Variants in KCNT1 observed in about 807,000 individuals in gnomAD.
The protein encoded by KCNT1 is potassium sodium-activated channel subfamily T member 1.
In KCNT1, 78 loss-of-function variants were observed where a neutral mutation model predicts 147.8. The ratio of observed to expected loss-of-function variants is 0.53; its 90% confidence interval spans 0.44 to 0.64. KCNT1 has a LOEUF of 0.64. Ranked by LOEUF, KCNT1 falls within the 30% of genes least tolerant of loss-of-function variation. KCNT1 has a pLI of 0.00. For missense variants in KCNT1, 1,419 were observed against 1,750.3 expected (o/e 0.81, Z 3.38); for synonymous variants, 867 against 748.8 (o/e 1.16, Z -2.58).
At chr9:135,721,112 G>A (rs1588264024) in intron 2 of KCNT1, among the ~76,000 whole-genome samples, 1 of 152,178 alleles carries the variant, frequency 6.6e-6, no homozygotes, top group Admixed American at 6.5e-5. Context: ...GCTGAGTTTG[G>A]GAAGGGTGGC....
chr9:135,773,043 G>A, intron 19 of KCNT1, 94 bp downstream of exon 19: 2 of 848,354 alleles, frequency 2.4e-6, no homozygotes, highest in Non-Finnish European at 3.4e-6. Context: ...GGTCCCCCAT[G>A]CTCTGAATTG....
rs182428519 is a variant in KCNT1 at position 135,734,244 on chromosome 9, C to T, written c.255-15854C>T. On this transcript the variant is annotated intron_variant, in intron 2 of 30. Coordinates refer to ENST00000371757, the MANE Select transcript of KCNT1 (RefSeq NM_020822.3). ...TGGGAGCAGAAAGTGCTGGGGACAC[C>T]TCAAGGCTCACGTGGCTCTGTGGAC... Among the ~76,000 whole-genome samples the T allele has an allele frequency of 6.3e-4, 96 of 152,302 alleles. 1 individual carries two copies. The highest frequency in any genetic ancestry group is 1.6e-3 in the African/African-American group (68 of 41,568).
chr9:135,714,521 C>G lies in KCNT1; in HGVS notation c.111-56C>G. 1 of 991,454 alleles carries G rather than the reference C, an allele frequency of 1.0e-6. No individual in the cohort carries two copies. The highest frequency in any genetic ancestry group is 1.2e-6 in the Non-Finnish European group (1 of 833,512). The allele number at this position is 991,454 out of a possible 1,614,324, so 61.4% of individuals were successfully genotyped here. On this transcript the variant is annotated intron_variant, in intron 1 of 30. Transcript: ENST00000371757. The surrounding 1 kb of genome is among the most constrained non-coding windows in gnomAD (Gnocchi z 6.2). ...GCCGGGCCTGGCGGGCCGGGGGCTG[C>G]GCGCGTCCGCGAGGGCGCCCGACGC...
At chr9:135,756,762 C>A in intron 6 of KCNT1, 111 bp from the exon 7 acceptor site, 2 of 896,308 alleles carry the variant, frequency 2.2e-6, no homozygotes, top group Admixed American at 1.7e-5. Flanking sequence ...TCAAGGCAGA[C>A]CCCAGACACA....
rs1351032582 is a variant in KCNT1, at chr9:135,785,317, A to G, written c.3164A>G (p.Asp1055Gly). 1 of 1,612,838 alleles carries G rather than the reference A, an allele frequency of 6.2e-7. No homozygotes were observed. Among genetic ancestry groups the G allele is most frequent in the East Asian group, 2.2e-5 (1 of 44,862 alleles). The change falls in exon 28 of 31, where the codon GAC (aspartate) becomes GGC (glycine). Residue 1055 changes from aspartate to glycine, a missense_variant. By Grantham distance (94) the Asp-to-Gly change is moderately conservative (BLOSUM62 -1). This residue lies in a region of KCNT1 where 306 missense variants were observed against 294.2 expected (regional missense o/e 1.04). Transcript: ENST00000371757. ...CGCCTGTTTCCTTTGCAGCCCCACG[A>G]CCTCAGAGCCCAGGTAAGCAACCCC... The part of the protein sequence containing the change: ...SHVFSTSEPH[D>G]LRAQSQISVN...
chr9:135,725,687 G>A (rs895932178), intron 2 of KCNT1, among the ~76,000 whole-genome samples: 6 of 152,162 alleles, frequency 3.9e-5, no homozygotes, highest in Admixed American at 2.0e-4. Context: ...AAAGCCGGGG[G>A]GGCCCCAGGG....
chr9:135,747,179 T>C (rs1489209579), intron 2 of KCNT1, among the ~76,000 whole-genome samples: 1 of 151,840 alleles, frequency 6.6e-6, no homozygotes, highest in Admixed American at 6.5e-5. Flanking sequence ...GGGGAGGCCG[T>C]GCTGAGAGGC....
chr9:135,779,737 G>A lies in KCNT1; in HGVS notation c.2841+267G>A, dbSNP rs1024350449. Among the ~76,000 whole-genome samples the A allele has an allele frequency of 2.6e-5, 4 of 152,374 alleles. No homozygotes were observed. The East Asian group carries it at 7.7e-4, about 29-fold the overall frequency. ...GCAGCCTTCCATCTCCCTGAGCAGG[G>A]ACCAGGCCTGGCCGTATCTGGAGGC... is the stretch of plus-strand genomic sequence containing the variant. On this transcript the variant is annotated intron_variant, in intron 24 of 30. Coordinates refer to ENST00000371757, the MANE Select transcript of KCNT1 (RefSeq NM_020822.3).
intron 19 of KCNT1, among the ~76,000 whole-genome samples, chr9:135,774,640 G>A (rs946531965): frequency 9.2e-5 from 14 of 152,062 alleles, no homozygotes; most frequent in Non-Finnish European, 1.9e-4. Context: ...TGTGTGTTGT[G>A]TGTCTGGGTG....
intron 2 of KCNT1, among the ~76,000 whole-genome samples, chr9:135,738,597 A>C (rs7874277): frequency 0.96 from 145,845 of 152,252 alleles, 69,909 homozygotes; most frequent in East Asian, 0.99. Flanking sequence ...GCCCTCTCAG[A>C]CTCTGCCCGT....
At position 135,714,465 on chromosome 9, in the gene KCNT1, G is replaced by A; in HGVS notation, c.111-112G>A. On this transcript the variant is annotated intron_variant, in intron 1 of 30. Transcript: ENST00000371757. This position sits in a 1 kb window ranked among gnomAD's most constrained non-coding sequence, Gnocchi z 6.2. ...CGCCCGGCCGCCCGCCCGCCCGGTG[G>A]GTCGCGGTGGCCGCGGGCTGCGCTG... 1.4e-6 allele frequency: 1 copy of A among 714,064 alleles called. No homozygotes were observed. The highest frequency in any genetic ancestry group is 1.7e-6 in the Non-Finnish European group (1 of 586,106). 44.2% of individuals were successfully genotyped at this position (714,064 alleles called of 1,614,324 possible). A position where few individuals can be genotyped will look rare whatever the true frequency, so the allele number is the denominator to read the frequency against.
chr9:135,732,024 A>AGAGGGG (rs1208253390), intron 2 of KCNT1, among the ~76,000 whole-genome samples: 5 of 65,084 alleles, frequency 7.7e-5, no homozygotes, highest in Admixed American at 1.6e-4. Flanking sequence ...AGAGAGAGAG[A>AGAGGGG]GAGAGAGAGA....
chr9:135,787,810 A>AG (rs987186588), intron 29 of KCNT1, among the ~76,000 whole-genome samples: 1 of 152,122 alleles, frequency 6.6e-6, no homozygotes, highest in East Asian at 1.9e-4. Flanking sequence ...CACGAGGCTG[A>AG]GGGGGGTGCC....
rs151031213 is a variant in KCNT1, at chr9:135,713,913, C to G, written c.111-664C>G. On this transcript the variant is annotated intron_variant, in intron 1 of 30. Coordinates refer to ENST00000371757, the MANE Select transcript of KCNT1 (RefSeq NM_020822.3). Reference sequence around the variant, plus strand: ...AACCTGCGCTGCCAGCTCTCTGTGTCCCTTTGATCCCTCACCTGGTGACAG... The same window carrying G: ...AACCTGCGCTGCCAGCTCTCTGTGTGCCTTTGATCCCTCACCTGGTGACAG... 5.2e-3 allele frequency among the ~76,000 whole-genome samples: 793 copies of G among 152,352 alleles called. 5 individuals carry two copies. Among genetic ancestry groups the G allele is most frequent in the Middle Eastern group, 0.034 (10 of 294 alleles).
At chr9:135,786,939 A>G (rs1430847273) in intron 29 of KCNT1, among the ~76,000 whole-genome samples, 3 of 152,206 alleles carry the variant, frequency 2.0e-5, no homozygotes, top group East Asian at 1.9e-4. Flanking sequence ...GGGCTCCCCA[A>G]GTCGAGGGCA....
In KCNT1 at chr9:135,777,340, C is replaced by T; in HGVS notation, c.2352C>T (p.Gly784=). Residue 784 remains glycine (G), a splice_region_variant and synonymous_variant, in exon 21 of 31, where the codon GGC becomes GGT. Transcript: ENST00000371757. The stretch of plus-strand genomic sequence containing the variant: ...CTGACTCCAGCATCTGCCCCCAGGG[C>T]TGCAAGCACAACAGCTATGAAGACG... ...APFCCLRLDK[G]CKHNSYEDAK... 6.2e-7 allele frequency: 1 copy of T among 1,613,118 alleles called. No homozygotes were observed. The highest frequency in any genetic ancestry group is 8.5e-7 in the Non-Finnish European group (1 of 1,179,382).
At chr9:135,753,041 G>A (rs1238649762) in intron 4 of KCNT1, among the ~76,000 whole-genome samples, 1 of 151,292 alleles carries the variant, frequency 6.6e-6, no homozygotes, top group Non-Finnish European at 1.5e-5. Context: ...CAGATGAGTA[G>A]ATAGATGGAT....
At position 135,714,740 on chromosome 9, in the gene KCNT1, T is replaced by TG; in HGVS notation, c.254+25dup. 1 of 1,299,100 alleles carries TG rather than the reference T, an allele frequency of 7.7e-7. No individual in the cohort carries two copies. The allele number at this position is 1,299,100 out of a possible 1,614,324, so 80.5% of individuals were successfully genotyped here. On this transcript the variant is annotated intron_variant, in intron 2 of 30. Coordinates refer to ENST00000371757, the MANE Select transcript of KCNT1 (RefSeq NM_020822.3). The surrounding 1 kb of genome is among the most constrained non-coding windows in gnomAD (Gnocchi z 6.2). ...CGACAGGTAGGGACCGGGCGCGGGG[T>TG]GGGGGCTGGGGTCGCCGTCCCGGCG...
intron 29 of KCNT1, 102 bp from the exon 30 acceptor site, chr9:135,791,695 A>G (rs1034378230): frequency 1.3e-5 from 13 of 1,004,754 alleles, no homozygotes; most frequent in African/African-American, 1.6e-5. Context: ...GGAAGGCCGG[A>G]AAGACTCAGC....
Sources: allele counts gnomAD v4.1 joint callset (sites outside exome capture counted in the v4.1 genomes callset), GRCh38; gene constraint gnomAD v4.1.1; regional missense constraint gnomAD v4.1.1; non-coding constraint Gnocchi (gnomAD v3.1); transcripts MANE v1.5; gene names NCBI Gene and HGNC (gene_info 2026-07-23, HGNC 2026-07-21).